AP1G1: variants seen among roughly 807,000 people sequenced by gnomAD.
The protein encoded by AP1G1 is AP-1 complex subunit gamma-1.
In AP1G1, 7 loss-of-function variants were observed where a neutral mutation model predicts 108.3. The ratio of observed to expected loss-of-function variants is 0.06; its 90% CI spans 0.04 to 0.12. The LOEUF (loss-of-function observed/expected upper bound fraction) is 0.12, where lower values mean the gene tolerates loss of function less well. Ranked by LOEUF, AP1G1 falls within the 10% of genes least tolerant of loss-of-function variation. AP1G1 has a pLI of 1.00. For missense variants in AP1G1, 756 were observed against 1,010.7 expected (o/e 0.75, Z 3.42); for synonymous variants, 379 against 353.5 (o/e 1.07, Z -0.81).
intron 1 of AP1G1, among the ~76,000 whole-genome samples, chr16:71,801,916 C>T (rs1423930661): frequency 7.3e-6 from 1 of 136,210 alleles, no homozygotes; most frequent in Admixed American, 7.6e-5. Context: ...GGCGAGACTC[C>T]GTAACCAAAA....
chr16:71,791,622 C>A (rs1392902106), intron 1 of AP1G1, among the ~76,000 whole-genome samples: 1 of 147,886 alleles, frequency 6.8e-6, no homozygotes, highest in East Asian at 2.0e-4. Flanking sequence ...GAGGCTGAGG[C>A]TGCAGTAAGC....
In AP1G1 at chr16:71,794,972, A is replaced by T. The variant is rs548554330; in HGVS notation, c.-3-5490T>A. 4.0e-5 allele frequency among the ~76,000 whole-genome samples: 6 copies of T among 151,018 alleles called. No homozygotes were observed. The East Asian group carries it at 1.2e-3, about 29-fold the overall frequency. On this transcript the variant is annotated intron_variant, in intron 1 of 22. Transcript: ENST00000299980. ...CTATAAGAATACAAACTTGATAAAT[A>T]CTATATTTATTAAATCCTAAATGCT...
intron 11 of AP1G1, among the ~76,000 whole-genome samples, chr16:71,757,243 G>C (rs2030843914): frequency 1.3e-5 from 2 of 152,130 alleles, no homozygotes; most frequent in Non-Finnish European, 2.9e-5. Context: ...CTGAGGTCAG[G>C]AGTTCGAGAC....
chr16:71,768,015 C>G (rs1427962105), intron 6 of AP1G1: 2 of 1,006,106 alleles, frequency 2.0e-6, no homozygotes, highest in Admixed American at 2.3e-5. Context: ...GGAAAAAAAG[C>G]CAAAAAAGAA....
chr16:71,791,763 CTTTTT>C (rs34099153), intron 1 of AP1G1, among the ~76,000 whole-genome samples: 2 of 113,384 alleles, frequency 1.8e-5, no homozygotes, highest in Admixed American at 1.2e-4. Context: ...TAAACTCTGA[CTTTTT>C]TTTTTTTTTT....
chr16:71,791,550 T>C (rs569188085), intron 1 of AP1G1, among the ~76,000 whole-genome samples: 1 of 151,814 alleles, frequency 6.6e-6, no homozygotes, highest in Non-Finnish European at 1.5e-5. Context: ...CCAAACATAG[T>C]GGCACACGAC....
rs998150244 is a variant in AP1G1 at position 71,730,061 on chromosome 16, C to T, written c.*2997G>A. 9 of 152,474 alleles carry T rather than the reference C, an allele frequency of 5.9e-5. No individual in the cohort carries two copies. Among genetic ancestry groups the T allele is most frequent in the African/African-American group, 1.7e-4 (7 of 41,426 alleles). 9.4% of individuals were successfully genotyped at this position (152,474 alleles called of 1,614,324 possible). A position where few individuals can be genotyped will look rare whatever the true frequency, so the allele number is the denominator to read the frequency against. The stretch of plus-strand genomic sequence containing the variant: ...GGACAAACAAGGAGTACAAATCACA[C>T]CTTTAAACTAGCAAGAGGAAAGAAT... On this transcript the variant is annotated 3_prime_UTR_variant, in exon 23 of 23. Transcript: ENST00000299980.
At position 71,764,864 on chromosome 16, in the gene AP1G1, A is replaced by G. The variant is rs2031248222; in HGVS notation, c.739-138T>C. 4.9e-6 allele frequency: 3 copies of G among 608,288 alleles called. No individual in the cohort carries two copies. In the Admixed American group the frequency reaches 1.0e-4, roughly 21 times the overall value. The allele number at this position is 608,288 out of a possible 1,614,324, so 37.7% of individuals were successfully genotyped here. Reference sequence around the variant, plus strand: ...TTATTCATATCAGAAATAGTCAAAAATCAAACAGAAGAATTGAAAACATTT... The same window carrying G: ...TTATTCATATCAGAAATAGTCAAAAGTCAAACAGAAGAATTGAAAACATTT... On this transcript the variant is annotated intron_variant, in intron 7 of 22. Coordinates refer to ENST00000299980, the MANE Select transcript of AP1G1 (RefSeq NM_001128.6).
chr16:71,770,871 C>T (rs867499851), intron 5 of AP1G1, among the ~76,000 whole-genome samples: 1 of 152,152 alleles, frequency 6.6e-6, no homozygotes, highest in African/African-American at 2.4e-5. Context: ...TATGGGTAGG[C>T]TCATTTGTAT....
At chr16:71,761,626 G>A in intron 9 of AP1G1, 59 bp from the exon 10 acceptor site, 2 of 1,272,800 alleles carry the variant, frequency 1.6e-6, no homozygotes, top group South Asian at 2.5e-5. Context: ...ATTGTTTCCT[G>A]AGTTTAAAGG....
intron 11 of AP1G1, among the ~76,000 whole-genome samples, chr16:71,758,048 T>G (rs1597052440): frequency 6.6e-6 from 1 of 152,232 alleles, no homozygotes; most frequent in African/African-American, 2.4e-5. Context: ...GTTTAGGTCT[T>G]ATCTTTAGAT....
intron 4 of AP1G1, 42 bp from the exon 5 acceptor site, chr16:71,771,294 T>A: frequency 8.3e-7 from 1 of 1,200,020 alleles, no homozygotes; most frequent in Non-Finnish European, 1.2e-6. Flanking sequence ...TTATTTCAAT[T>A]ATGCCAGGGC....
Position 71,731,607 on chromosome 16 carries a change from C to G in AP1G1, c.*1451G>C, listed in dbSNP as rs547839061. The G allele has an allele frequency of 6.6e-6, 1 of 152,594 alleles. No homozygotes were observed. Among genetic ancestry groups the G allele is most frequent in the African/African-American group, 2.4e-5 (1 of 41,528 alleles). 9.5% of individuals were successfully genotyped at this position (152,594 alleles called of 1,614,324 possible). On this transcript the variant is annotated 3_prime_UTR_variant, in exon 23 of 23. Transcript: ENST00000299980. ...TACATAGTACATTCAATGTGTACCA[C>G]AGAGAGAGTCACCTCTACTTCATTC... is the stretch of plus-strand genomic sequence containing the variant.
At chr16:71,741,985 C>T (rs991204852) in intron 19 of AP1G1, among the ~76,000 whole-genome samples, 4 of 152,164 alleles carry the variant, frequency 2.6e-5, no homozygotes, top group Non-Finnish European at 5.9e-5. Flanking sequence ...TGAATTTCTA[C>T]TGACTTAAAT....
chr16:71,794,866 C>CTTTTTTTTTTTTTTTTTTTTTTTTT (rs2032528877), intron 1 of AP1G1, among the ~76,000 whole-genome samples: 36 of 46,640 alleles, frequency 7.7e-4, no homozygotes, highest in Middle Eastern at 0.014. Context: ...TTTTTTTTTA[C>CTTTTTTTTTTTTTTTTTTTTTTTTT]TTTGAAATGC....
intron 13 of AP1G1, among the ~76,000 whole-genome samples, chr16:71,752,105 C>T (rs192532278): frequency 1.3e-5 from 2 of 152,152 alleles, no homozygotes; most frequent in Admixed American, 1.3e-4. Context: ...CAATGTAACC[C>T]AGCATGTAAC....
At position 71,789,456 on chromosome 16, in the gene AP1G1, C is replaced by T. The variant is rs1435761229; in HGVS notation, c.24G>A (p.Arg8=). MPAPIRL[R]ELIRTIRTAR... is the part of the protein sequence containing the mutation. ...CTGTCCGGATGGTCCGGATCAGCTC[C>T]CGCAATCTGATGGGGGCTGGCATCC... The change falls in exon 2 of 23, where the codon CGG becomes CGA. Residue 8 remains arginine, a synonymous_variant. Coordinates refer to ENST00000299980, the MANE Select transcript of AP1G1 (RefSeq NM_001128.6). 2 of 1,614,002 alleles carry T rather than the reference C, an allele frequency of 1.2e-6. No homozygotes were observed. Among genetic ancestry groups the T allele is most frequent in the South Asian group, 2.2e-5 (2 of 91,090 alleles).
chr16:71,792,574 C>CGG (rs1567662531), intron 1 of AP1G1, among the ~76,000 whole-genome samples: 3 of 152,130 alleles, frequency 2.0e-5, no homozygotes, highest in African/African-American at 7.2e-5. Context: ...GTGAGGAGGC[C>CGG]GGGTGCAGTG....
At position 71,808,768 on chromosome 16, in the gene AP1G1, C is replaced by A. The variant is rs562802256; in HGVS notation, c.-9G>T. 8.5e-6 allele frequency: 11 copies of A among 1,289,432 alleles called. No individual in the cohort carries two copies. Among genetic ancestry groups the A allele is most frequent in the Non-Finnish European group, 1.1e-5 (11 of 988,728 alleles). 79.9% of individuals were successfully genotyped at this position (1,289,432 alleles called of 1,614,324 possible). A position where few individuals can be genotyped will look rare whatever the true frequency, so the allele number is the denominator to read the frequency against. On this transcript the variant is annotated 5_prime_UTR_variant, in exon 1 of 23. Coordinates refer to ENST00000299980, the MANE Select transcript of AP1G1 (RefSeq NM_001128.6). ...GCGCCGGGAGTGACACTCACCGGCC[C>A]GAAACCTCGAATGAAACCAGCAGCT...
Sources: allele counts gnomAD v4.1 joint callset (sites outside exome capture counted in the v4.1 genomes callset), GRCh38; gene constraint gnomAD v4.1.1; transcripts MANE v1.5; gene names NCBI Gene and HGNC (gene_info 2026-07-23, HGNC 2026-07-21).